The following OR2L13 variants were observed in gnomAD, a reference collection of about 807,000 sequenced individuals.
The protein encoded by OR2L13 is olfactory receptor 2L13.
In OR2L13, 14 loss-of-function variants were observed where a neutral mutation model predicts 15.3. That is an observed-to-expected ratio of 0.91 (90% confidence interval 0.60 to 1.43). The LOEUF is 1.43. Among genes scored for constraint, OR2L13 ranks in the 40% most tolerant of loss-of-function variants. The probability of loss-of-function intolerance (pLI) is 0.00; values close to 1 mark genes in which losing one functional copy is unlikely to be tolerated. For missense variants in OR2L13, 367 were observed against 387.9 expected (o/e 0.95, Z 0.45); for synonymous variants, 152 against 142.9 (o/e 1.06, Z -0.45).
chr1:248,038,078 G>T, the OR2L13 span: 3 of 485,834 alleles, frequency 6.2e-6, no homozygotes, highest in East Asian at 3.3e-5. Flanking sequence ...TCTCTTCCTT[G>T]CCTAATTTAT....
At chr1:248,068,631 C>A in the OR2L13 span, among the ~76,000 whole-genome samples, 7 of 152,346 alleles carry the variant, frequency 4.6e-5, no homozygotes, top group South Asian at 8.3e-4. Context: ...TGGACGGAGA[C>A]TGACTTTGAC....
chr1:248,096,335 A>T (rs1332417820), upstream of OR2L13, among the ~76,000 whole-genome samples: 1 of 151,790 alleles, frequency 6.6e-6, no homozygotes, highest in Non-Finnish European at 1.5e-5. Flanking sequence ...GTGAGCCAAG[A>T]TCAGGCCACT....
the OR2L13 span, chr1:248,022,073 A>C: frequency 6.2e-7 from 1 of 1,613,872 alleles, no homozygotes; most frequent in Non-Finnish European, 8.5e-7. Context: ...TTGGAAACCT[A>C]TCCATGATTC....
chr1:247,957,594 A>C, the OR2L13 span, among the ~76,000 whole-genome samples: 5 of 151,992 alleles, frequency 3.3e-5, 1 homozygote, highest in Middle Eastern at 0.017. Context: ...GGTTGGTAAG[A>C]TATTAATTAT....
chr1:247,984,671 T>C, the OR2L13 span, among the ~76,000 whole-genome samples: 1 of 152,220 alleles, frequency 6.6e-6, no homozygotes, highest in Admixed American at 6.5e-5. Context: ...TTAAAATGTA[T>C]TTGGGAATCC....
the OR2L13 span, among the ~76,000 whole-genome samples, chr1:248,057,268 C>G: frequency 6.6e-6 from 1 of 152,104 alleles, no homozygotes; most frequent in Non-Finnish European, 1.5e-5. Flanking sequence ...GTGTAGGGGT[C>G]TAAGTCTCTT....
At chr1:248,099,696 G>A (rs754752033) in exon 3 of OR2L13, 13 of 1,613,894 alleles carry the variant, frequency 8.1e-6, no homozygotes, top group South Asian at 2.2e-5. Flanking sequence ...TGACCATGGC[G>A]TGTTCTGAAG....
the OR2L13 span, among the ~76,000 whole-genome samples, chr1:247,940,665 G>A: frequency 1.3e-5 from 2 of 151,936 alleles, no homozygotes; most frequent in Non-Finnish European, 2.9e-5. Context: ...GAATAGTGCA[G>A]CAATGAACAT....
the OR2L13 span, among the ~76,000 whole-genome samples, chr1:247,967,663 T>G: frequency 3.9e-5 from 6 of 152,274 alleles, no homozygotes; most frequent in African/African-American, 1.4e-4. Flanking sequence ...AATACCAGCT[T>G]TTGATTTCTA....
chr1:248,067,470 G>A, the OR2L13 span, among the ~76,000 whole-genome samples: 1 of 152,144 alleles, frequency 6.6e-6, no homozygotes, highest in African/African-American at 2.4e-5. Context: ...TATTCTTTTT[G>A]TAGATTAATT....
the OR2L13 span, among the ~76,000 whole-genome samples, chr1:247,966,901 C>G: frequency 6.6e-6 from 1 of 152,136 alleles, no homozygotes; most frequent in African/African-American, 2.4e-5. Flanking sequence ...AGAGAAGAGT[C>G]AAAGCTTACA....
At chr1:248,033,415 GTT>G in the OR2L13 span, among the ~76,000 whole-genome samples, 2 of 151,770 alleles carry the variant, frequency 1.3e-5, no homozygotes, top group Admixed American at 1.3e-4. Context: ...TCTTGACTCT[GTT>G]TTCTATTTCT....
the OR2L13 span, among the ~76,000 whole-genome samples, chr1:247,970,793 C>T: frequency 1.1e-3 from 162 of 152,252 alleles, 1 homozygote; most frequent in East Asian, 0.022. Context: ...GCCCCAGATC[C>T]CAGGCTCTGG....
the OR2L13 span, among the ~76,000 whole-genome samples, chr1:247,950,761 A>G: frequency 5.9e-5 from 9 of 152,224 alleles, no homozygotes; most frequent in Non-Finnish European, 1.0e-4. Context: ...GGAAGGGTAT[A>G]GGGGAGGGGG....
At chr1:248,056,930 G>C in the OR2L13 span, among the ~76,000 whole-genome samples, 2 of 151,636 alleles carry the variant, frequency 1.3e-5, no homozygotes, top group Non-Finnish European at 2.9e-5. Context: ...GATTACAGTC[G>C]TGAGCCACTG....
the OR2L13 span, among the ~76,000 whole-genome samples, chr1:247,987,266 AGT>A: frequency 6.6e-6 from 1 of 152,192 alleles, no homozygotes; most frequent in African/African-American, 2.4e-5. Context: ...AACAGTTTTT[AGT>A]GTGTAAAATC....
chr1:248,099,269 C>G, intron 2 of OR2L13, 89 bp from the exon 3 acceptor site: 1 of 760,902 alleles, frequency 1.3e-6, no homozygotes, highest in Non-Finnish European at 2.2e-6. Flanking sequence ...TCTAAACAAA[C>G]ATTGATAAAG....
At chr1:247,949,863 A>G in the OR2L13 span, 1 of 1,290,662 alleles carries the variant, frequency 7.7e-7, no homozygotes, top group Non-Finnish European at 1.1e-6. Flanking sequence ...AGTAATTAAA[A>G]TATTATGTCC....
At chr1:247,966,079 G>A in the OR2L13 span, 1 of 1,614,140 alleles carries the variant, frequency 6.2e-7, no homozygotes. Flanking sequence ...AAAAGGACAG[G>A]CAAAAGCTGT....
Sources: allele counts gnomAD v4.1 joint callset (sites outside exome capture counted in the v4.1 genomes callset), GRCh38; gene constraint gnomAD v4.1.1; transcripts MANE v1.5; gene names NCBI Gene and HGNC (gene_info 2026-07-23, HGNC 2026-07-21).